The following PAPOLA variants were observed in gnomAD, a reference collection of about 807,000 sequenced individuals.
The protein encoded by PAPOLA is poly(A) polymerase alpha.
Under a neutral mutation model 100.6 loss-of-function variants are expected in PAPOLA, and 15 were observed. The observed-to-expected ratio is 0.15, with a 90% CI of 0.10 to 0.23. The LOEUF (loss-of-function observed/expected upper bound fraction) is 0.23. PAPOLA is among the 10% of genes least tolerant of loss of function. The pLI, the probability that PAPOLA is intolerant of heterozygous loss-of-function variation, is 1.00. For synonymous variants in PAPOLA, 293 were observed against 300.0 expected, an observed-to-expected ratio of 0.98 and a Z score of 0.24; for missense variants, 533 against 884.2, an observed-to-expected ratio of 0.60 and a Z score of 5.04.
intron 4 of PAPOLA, chr14:96,527,191 T>G (rs1566844897): frequency 4.3e-6 from 2 of 463,788 alleles, no homozygotes; most frequent in Non-Finnish European, 7.6e-6. Context: ...CATCTTTCTT[T>G]GGGCTCCCAG....
chr14:96,563,930 G>A (rs1160951069), intron 21 of PAPOLA, among the ~76,000 whole-genome samples: 1 of 151,914 alleles, frequency 6.6e-6, no homozygotes, highest in Admixed American at 6.6e-5. Context: ...TTGTCTTACT[G>A]AATTTATCCC....
intron 9 of PAPOLA, chr14:96,533,881 T>C (rs923592797): frequency 1.0e-5 from 10 of 985,550 alleles, no homozygotes; most frequent in African/African-American, 3.5e-5. Context: ...GCTACACATA[T>C]ATAAGCAAAT....
At chr14:96,559,864 T>A (rs1327150004) in intron 19 of PAPOLA, among the ~76,000 whole-genome samples, 5 of 151,922 alleles carry the variant, frequency 3.3e-5, no homozygotes. Context: ...CTATAAAATA[T>A]AAGTACCGTA....
chr14:96,536,676 T>C (rs77015728), intron 11 of PAPOLA, among the ~76,000 whole-genome samples: 166 of 152,128 alleles, frequency 1.1e-3, no homozygotes, highest in African/African-American at 3.8e-3. Context: ...AAACAAAGTA[T>C]ATTGGAAAGT....
chr14:96,527,587 T>A, intron 5 of PAPOLA, 48 bp downstream of exon 5: 1 of 1,004,488 alleles, frequency 1.0e-6, no homozygotes, highest in Non-Finnish European at 1.6e-6. Context: ...AACATTCATT[T>A]AGTCAGTTGA....
chr14:96,522,112 CTTTCTTTTTTTTT>C (rs1190691111), intron 3 of PAPOLA, among the ~76,000 whole-genome samples: 10 of 98,714 alleles, frequency 1.0e-4, no homozygotes, highest in Non-Finnish European at 1.3e-4. Flanking sequence ...CTCTTTCTTT[CTTTCTTTTTTTTT>C]TTTTTTTTTT....
At position 96,502,904 on chromosome 14, in the gene PAPOLA, C is replaced by T. The variant is rs532308615; in HGVS notation, c.8+304C>T. ...CGCCCGGCCACTCCAGCTTCTCCGC[C>T]CCGTCCACAAAGAAAATCAAAACAA... is the stretch of plus-strand genomic sequence containing the variant. On this transcript the variant is annotated intron_variant, in intron 1 of 21. Transcript: ENST00000216277. The T allele has an allele frequency of 1.6e-4, 63 of 385,280 alleles. No individual in the cohort carries two copies. The South Asian group carries it at 4.2e-3, about 26-fold the overall frequency. The allele number at this position is 385,280 out of a possible 1,614,324, so 23.9% of individuals were successfully genotyped here.
chr14:96,523,665 GC>G (rs1898210152), intron 3 of PAPOLA, among the ~76,000 whole-genome samples: 1 of 152,190 alleles, frequency 6.6e-6, no homozygotes, highest in Non-Finnish European at 1.5e-5. Context: ...CAACATTACA[GC>G]CAGGCGCAGT....
At chr14:96,502,900 C>G (rs532784026) in intron 1 of PAPOLA, 9 of 388,666 alleles carry the variant, frequency 2.3e-5, no homozygotes, top group East Asian at 1.1e-4. Context: ...TCCAGCTTCT[C>G]CGCCCCGTCC....
chr14:96,520,971 C>T lies in PAPOLA; in HGVS notation c.183-35C>T, dbSNP rs551236337. On this transcript the variant is annotated intron_variant, in intron 2 of 21. Coordinates refer to ENST00000216277, the MANE Select transcript of PAPOLA (RefSeq NM_032632.5). ...TTTAAGAAATTTAATCAGTAATGATCTGGAATACTTGATTGATAATTGTTT... is the reference window on the plus strand; with the variant it reads ...TTTAAGAAATTTAATCAGTAATGATTTGGAATACTTGATTGATAATTGTTT... The T allele has an allele frequency of 4.2e-6, 4 of 957,290 alleles. No homozygotes were observed. The Admixed American group carries it at 7.0e-5, about 17-fold the overall frequency. 59.3% of individuals were successfully genotyped at this position (957,290 alleles called of 1,614,324 possible).
rs367850070 is a variant in PAPOLA, at chr14:96,562,829, A to G, written c.2078A>G (p.Asp693Gly). The change falls in exon 21 of 22, where the codon GAT becomes GGT. Residue 693 changes from aspartate to glycine, a missense_variant. This residue lies in a region of PAPOLA where 242 missense variants were observed against 281.0 expected (regional missense o/e 0.86). Coordinates refer to ENST00000216277, the MANE Select transcript of PAPOLA (RefSeq NM_032632.5). Reference protein sequence around the residue: ...HDKTEAKEQLDTETSTTQSET... With the variant: ...HDKTEAKEQLGTETSTTQSET... ...CTCTTTGTCTCACAGGAACAACTTG[A>G]TACAGAGACAAGTACAACTCAATCA... 1 of 1,608,074 alleles carries G rather than the reference A, an allele frequency of 6.2e-7. No homozygotes were observed.
At chr14:96,535,362 G>T (rs1030514572) in intron 10 of PAPOLA, 26 of 982,284 alleles carry the variant, frequency 2.6e-5, no homozygotes, top group Non-Finnish European at 3.0e-5. Context: ...CTGATATACA[G>T]ATTTAAAATT....
intron 13 of PAPOLA, 21 bp downstream of exon 13, chr14:96,542,317 T>A: frequency 6.5e-7 from 1 of 1,533,456 alleles, no homozygotes; most frequent in Non-Finnish European, 9.0e-7. Flanking sequence ...GAATAGACTT[T>A]ACAGAAAAAG....
intron 16 of PAPOLA, among the ~76,000 whole-genome samples, chr14:96,551,159 A>G (rs1038509176): frequency 1.3e-5 from 2 of 152,250 alleles, no homozygotes; most frequent in Admixed American, 6.5e-5. Context: ...AAACAAAGCA[A>G]AGTAGCTTAA....
At chr14:96,523,619 TAGGA>T (rs1399171890) in intron 3 of PAPOLA, among the ~76,000 whole-genome samples, 1 of 152,142 alleles carries the variant, frequency 6.6e-6, no homozygotes, top group Non-Finnish European at 1.5e-5. Context: ...TATCTAAACA[TAGGA>T]AGACAAAGGC....
At chr14:96,535,499 A>C in intron 10 of PAPOLA, 1 of 986,898 alleles carries the variant, frequency 1.0e-6, no homozygotes, top group Non-Finnish European at 1.2e-6. Flanking sequence ...TATCTTGTTG[A>C]AAATTAGCTT....
At chr14:96,534,240 A>C (rs944355842) in intron 9 of PAPOLA, 2 of 1,311,822 alleles carry the variant, frequency 1.5e-6, no homozygotes, top group East Asian at 6.0e-5. Flanking sequence ...ATAGTCCTTT[A>C]AAGTTCTTTG....
chr14:96,536,015 T>C lies in PAPOLA; in HGVS notation c.1030+16T>C. ...TTTAAACAAGGTAAGTGTTTATCCTTATGCTCTGATTTATACAGGAAGGAT... is the reference window on the plus strand; with the variant it reads ...TTTAAACAAGGTAAGTGTTTATCCTCATGCTCTGATTTATACAGGAAGGAT... On this transcript the variant is annotated intron_variant, in intron 11 of 21. Coordinates refer to ENST00000216277, the MANE Select transcript of PAPOLA (RefSeq NM_032632.5). 3.2e-6 allele frequency: 5 copies of C among 1,572,590 alleles called. No homozygotes were observed. The highest frequency in any genetic ancestry group is 4.3e-6 in the Non-Finnish European group (5 of 1,158,418).
At position 96,520,147 on chromosome 14, in the gene PAPOLA, C is replaced by T. The variant is rs138375610; in HGVS notation, c.101C>T (p.Thr34Ile). 1 of 1,613,764 alleles carries T rather than the reference C, an allele frequency of 6.2e-7. No individual in the cohort carries two copies. The highest frequency in any genetic ancestry group is 1.3e-5 in the African/African-American group (1 of 74,916). The change falls in exon 2 of 22, where the codon ACT (threonine) becomes ATT (isoleucine). Residue 34 changes from threonine to isoleucine, a missense_variant. By Grantham distance (89) the Thr-to-Ile change is moderately conservative. Transcript: ENST00000216277. ...SPISLAAPKE[T>I]DCVLTQKLIE... ...ATCAGCTTAGCAGCCCCCAAGGAGA[C>T]TGACTGCGTACTTACACAGAAACTA...
Sources: allele counts gnomAD v4.1 joint callset (sites outside exome capture counted in the v4.1 genomes callset), GRCh38; gene constraint gnomAD v4.1.1; regional missense constraint gnomAD v4.1.1; transcripts MANE v1.5; gene names NCBI Gene and HGNC (gene_info 2026-07-23, HGNC 2026-07-21).